The following PLA2G5 variants were observed in gnomAD, a reference collection of about 807,000 sequenced individuals.
PLA2G5 encodes the protein Ca2+-dependent phospholipase A2.
In PLA2G5, 12 loss-of-function variants were observed where a neutral mutation model predicts 15.9. The observed-to-expected ratio is 0.76, with a 90% CI of 0.48 to 1.23. The LOEUF is 1.23. Among genes scored for constraint, PLA2G5 ranks in the 50% most tolerant of loss-of-function variants. The probability of loss-of-function intolerance (pLI) is 0.00; values close to 1 mark genes in which losing one functional copy is unlikely to be tolerated. For missense variants in PLA2G5, 169 were observed against 177.1 expected (o/e 0.95, Z 0.26); for synonymous variants, 71 against 71.4 (o/e 0.99, Z 0.03).
intron 1 of PLA2G5, among the ~76,000 whole-genome samples, chr1:20,053,920 A>C (rs2014305637): frequency 6.6e-6 from 1 of 152,238 alleles, no homozygotes; most frequent in Non-Finnish European, 1.5e-5. Flanking sequence ...ACTAATTTAC[A>C]GTATTAGTTA....
chr1:20,051,014 A>G (rs978978179), intron 1 of PLA2G5, among the ~76,000 whole-genome samples: 1 of 152,194 alleles, frequency 6.6e-6, no homozygotes, highest in Non-Finnish European at 1.5e-5. Context: ...GTGTTCCGAA[A>G]TCATGGGAAA....
At chr1:20,044,433 G>A (rs2013786753) in intron 1 of PLA2G5, among the ~76,000 whole-genome samples, 1 of 152,118 alleles carries the variant, frequency 6.6e-6, no homozygotes, top group Non-Finnish European at 1.5e-5. Flanking sequence ...AGCAGATTAG[G>A]TAATAAAATG....
At chr1:20,070,530 A>T (rs1447928030) in intron 1 of PLA2G5, 65 bp downstream of exon 1, 1 of 933,028 alleles carries the variant, frequency 1.1e-6, no homozygotes, top group Admixed American at 6.2e-5. Flanking sequence ...GGAGGGAGAG[A>T]CTGGAGAAGG....
At chr1:20,087,902 C>T (rs2016374719) in intron 3 of PLA2G5, among the ~76,000 whole-genome samples, 1 of 152,118 alleles carries the variant, frequency 6.6e-6, no homozygotes, top group Admixed American at 6.5e-5. Flanking sequence ...AATTTAGCAA[C>T]AAAATAAATG....
chr1:20,081,745 GC>G (rs1394892551), intron 1 of PLA2G5, among the ~76,000 whole-genome samples: 2 of 151,812 alleles, frequency 1.3e-5, no homozygotes, highest in African/African-American at 4.9e-5. Context: ...ATCCATACAG[GC>G]CTCAGCATCC....
chr1:20,049,847 G>T (rs1328881484), intron 1 of PLA2G5, among the ~76,000 whole-genome samples: 1 of 151,940 alleles, frequency 6.6e-6, no homozygotes, highest in Non-Finnish European at 1.5e-5. Flanking sequence ...CACCATTTTT[G>T]GTTTTCTCTC....
At chr1:20,043,624 G>T (rs2013734711) in intron 1 of PLA2G5, among the ~76,000 whole-genome samples, 1 of 152,096 alleles carries the variant, frequency 6.6e-6, no homozygotes, top group South Asian at 2.1e-4. Flanking sequence ...GAATAGTCAG[G>T]GAAGCAGATA....
intron 1 of PLA2G5, among the ~76,000 whole-genome samples, chr1:20,075,634 C>T (rs2015622972): frequency 6.6e-6 from 1 of 152,142 alleles, no homozygotes; most frequent in African/African-American, 2.4e-5. Flanking sequence ...CTTGTATTGG[C>T]TTATGAGGGC....
At chr1:20,069,139 T>C (rs1470374399), upstream of PLA2G5, 6 of 433,086 alleles carry the variant, frequency 1.4e-5, no homozygotes, top group South Asian at 6.7e-5. Context: ...AAATGTGATA[T>C]TATCAAGTGC....
intron 1 of PLA2G5, among the ~76,000 whole-genome samples, chr1:20,052,488 G>C (rs1465455196): frequency 6.6e-6 from 1 of 152,098 alleles, no homozygotes; most frequent in Non-Finnish European, 1.5e-5. Context: ...GAGTAATGTG[G>C]CCTATCTTGA....
At chr1:20,037,063 ATTTCTTCTTGGTTTGG>A in intron 1 of PLA2G5, among the ~76,000 whole-genome samples, 1 of 152,050 alleles carries the variant, frequency 6.6e-6, no homozygotes, top group Non-Finnish European at 1.5e-5. Flanking sequence ...CAATTCAGAG[ATTTCTTCTTGGTTTGG>A]ATTTATTGGT....
chr1:20,078,044 G>T (rs1210438365), intron 1 of PLA2G5, among the ~76,000 whole-genome samples: 1 of 152,128 alleles, frequency 6.6e-6, no homozygotes, highest in Non-Finnish European at 1.5e-5. Context: ...TGCATTTGGG[G>T]GGCCAGCAGA....
intron 1 of PLA2G5, among the ~76,000 whole-genome samples, chr1:20,042,818 C>G (rs996238102): frequency 1.3e-5 from 2 of 151,954 alleles, no homozygotes; most frequent in Admixed American, 6.6e-5. Flanking sequence ...AAGAATTATG[C>G]TGAGATAGGT....
intron 1 of PLA2G5, among the ~76,000 whole-genome samples, chr1:20,033,042 A>G (rs1373526292): frequency 1.3e-5 from 2 of 152,204 alleles, no homozygotes; most frequent in Non-Finnish European, 2.9e-5. Context: ...CTGAGAATGT[A>G]GGATATGGTA....
intron 1 of PLA2G5, among the ~76,000 whole-genome samples, chr1:20,040,226 T>A (rs1353800521): frequency 6.6e-6 from 1 of 152,214 alleles, no homozygotes; most frequent in Admixed American, 6.5e-5. Context: ...ACCCAGGCAC[T>A]GTAATCTTTC....
In PLA2G5 at chr1:20,070,265, T is replaced by C; in HGVS notation, c.-211T>C. The stretch of plus-strand genomic sequence containing the variant: ...TTTTTCCTCCCCACCTCCGGGTTTG[T>C]CCTCATCATCGGTCACTCCCATTCA... On this transcript the variant is annotated 5_prime_UTR_variant, in exon 1 of 5. Transcript: ENST00000375108. The C allele has an allele frequency of 1.0e-6, 1 of 985,548 alleles. No individual in the cohort carries two copies. 61.1% of individuals were successfully genotyped at this position (985,548 alleles called of 1,614,324 possible).
intron 1 of PLA2G5, among the ~76,000 whole-genome samples, chr1:20,056,408 G>A (rs1275744213): frequency 1.3e-5 from 2 of 152,072 alleles, no homozygotes; most frequent in African/African-American, 4.8e-5. Context: ...AGTTTGCTGA[G>A]AGTTTTAAAT....
chr1:20,076,336 C>T (rs1228357064), intron 1 of PLA2G5, among the ~76,000 whole-genome samples: 2 of 152,130 alleles, frequency 1.3e-5, no homozygotes, highest in Non-Finnish European at 2.9e-5. Flanking sequence ...CACTCATCGG[C>T]AATTATTGGA....
chr1:20,064,823 T>C (rs553687971), intron 2 of PLA2G5, among the ~76,000 whole-genome samples: 4 of 152,236 alleles, frequency 2.6e-5, no homozygotes, highest in Admixed American at 6.5e-5. Context: ...ATTCCAAGTG[T>C]GGACCATGTA....
Sources: allele counts gnomAD v4.1 joint callset (sites outside exome capture counted in the v4.1 genomes callset), GRCh38; gene constraint gnomAD v4.1.1; transcripts MANE v1.5; gene names NCBI Gene and HGNC (gene_info 2026-07-23, HGNC 2026-07-21).